MYG1: variants seen among roughly 807,000 people sequenced by gnomAD.
MYG1 encodes the protein UPF0160 protein MYG1, mitochondrial.
A neutral mutation model predicts 43.5 loss-of-function variants in MYG1; 36 were observed. The ratio of observed to expected loss-of-function variants is 0.83; its 90% CI spans 0.63 to 1.09. The LOEUF (loss-of-function observed/expected upper bound fraction) is 1.09, where lower values mean the gene tolerates loss of function less well. Among genes scored for constraint, MYG1 ranks in the 50% least tolerant of loss-of-function variants. The pLI, the probability that MYG1 is intolerant of heterozygous loss-of-function variation, is 0.00. For synonymous variants in MYG1, 220 were observed against 202.8 expected, an observed-to-expected ratio of 1.08 and a Z score of -0.72; for missense variants, 529 against 495.1, an observed-to-expected ratio of 1.07 and a Z score of -0.65.
chr12:53,299,923 C>T lies in MYG1; in HGVS notation c.186C>T (p.Cys62=). Residue 62 remains cysteine (C), a synonymous_variant, in exon 1 of 7, where the codon TGC becomes TGT. Transcript: ENST00000267103. ...TCCACTGCGACGAGGCACTGGCATGCGCACTGCTTCGCCTCCTGCCGGAGT... is the reference window on the plus strand; with the variant it reads ...TCCACTGCGACGAGGCACTGGCATGTGCACTGCTTCGCCTCCTGCCGGAGT... ...GTFHCDEALA[C]ALLRLLPEYR... is the part of the protein sequence containing the mutation. The T allele has an allele frequency of 6.2e-7, 1 of 1,614,208 alleles. No individual in the cohort carries two copies. The highest frequency in any genetic ancestry group is 1.1e-5 in the South Asian group (1 of 91,086).
rs1278741822 is a variant in MYG1, at chr12:53,307,031, C to CT, written c.1014dup (p.Gly339TrpfsTer41). On this transcript the variant is annotated frameshift_variant, in exon 7 of 7. Transcript: ENST00000267103. LOFTEE classifies it high-confidence loss of function. ...GCCCTGGACCAGGTCAGTGGGATCC[C>CT]TGGCTGCATCTTCGTCCATGCAAGC... The CT allele has an allele frequency of 2.5e-6, 4 of 1,614,138 alleles. No homozygotes were observed. The highest frequency in any genetic ancestry group is 3.4e-6 in the Non-Finnish European group (4 of 1,180,054).
chr12:53,302,964 C>G, intron 2 of MYG1, 70 bp from the exon 3 acceptor site: 3 of 1,435,458 alleles, frequency 2.1e-6, no homozygotes, highest in Non-Finnish European at 2.8e-6. Context: ...ATTGAGTTAA[C>G]CATTGAATGA....
In MYG1 at chr12:53,306,777, C is replaced by A. The variant is rs780074773; in HGVS notation, c.863C>A (p.Ala288Asp). The A allele has an allele frequency of 6.2e-6, 10 of 1,614,084 alleles. No individual in the cohort carries two copies. In the South Asian group the frequency reaches 9.9e-5, roughly 16 times the overall value. ...GAATCTGGGCTGTCCCCTCCAGTGG[C>A]CATCTTCTTTGTTATCTACACTGAC... ...HLESGLSPPV[A>D]IFFVIYTDQA... The change falls in exon 6 of 7, where the codon GCC becomes GAC. Residue 288 changes from alanine to aspartate, a missense_variant. By Grantham distance (126) the Ala-to-Asp change is moderately radical. Coordinates refer to ENST00000267103, the MANE Select transcript of MYG1 (RefSeq NM_021640.4).
intron 2 of MYG1, among the ~76,000 whole-genome samples, chr12:53,301,751 T>C (rs1944234314): frequency 1.3e-5 from 2 of 151,288 alleles, no homozygotes. Context: ...TGCAGTGATG[T>C]GATCTCGACT....
chr12:53,300,123 GC>G, intron 1 of MYG1, 26 bp from the exon 2 acceptor site: 1 of 1,570,402 alleles, frequency 6.4e-7, no homozygotes, highest in East Asian at 2.3e-5. Flanking sequence ...ACACCCGGCA[GC>G]CCCTTCACCC....
At chr12:53,306,541 A>T (rs959247188) in intron 5 of MYG1, 139 bp from the exon 6 acceptor site, 4 of 1,102,022 alleles carry the variant, frequency 3.6e-6, no homozygotes, top group African/African-American at 1.6e-5. Context: ...ACAGGGTCTT[A>T]CTTTGTTGCC....
In MYG1 at chr12:53,307,082, G is replaced by C. The variant is rs756887812; in HGVS notation, c.1064G>C (p.Arg355Pro). The C allele has an allele frequency of 1.2e-6, 2 of 1,614,168 alleles. No individual in the cohort carries two copies. Among genetic ancestry groups the C allele is most frequent in the Non-Finnish European group, 1.7e-6 (2 of 1,179,994 alleles). The change falls in exon 7 of 7, where the codon CGA becomes CCA. Residue 355 changes from arginine (R) to proline (P), a missense_variant. Physicochemically the swap from Arg to Pro is moderately radical, Grantham distance 103. Coordinates refer to ENST00000267103, the MANE Select transcript of MYG1 (RefSeq NM_021640.4). ...GGCTTCACTGGCGGTCACCACACCC[G>C]AGAGGGTGCCTTGAGCATGGCCCGT... ...ASGFTGGHHT[R>P]EGALSMARAT...
In MYG1 at chr12:53,300,212, C is replaced by T. The variant is rs764472087; in HGVS notation, c.279C>T (p.Asp93=). 8 of 1,605,134 alleles carry T rather than the reference C, an allele frequency of 5.0e-6. No individual in the cohort carries two copies. Among genetic ancestry groups the T allele is most frequent in the South Asian group, 1.1e-5 (1 of 89,876 alleles). ...TCGCTTCCTGTGACATCGTGGTGGA[C>T]GTGGGGGGCGAGTACGACCCTCGGA... is the stretch of plus-strand genomic sequence containing the variant. ...EKLASCDIVV[D]VGGEYDPRRH... is the part of the protein sequence containing the mutation. Residue 93 remains aspartate, a synonymous_variant, in exon 2 of 7, where the codon GAC becomes GAT. Transcript: ENST00000267103.
Position 53,306,113 on chromosome 12 carries a change from G to T in MYG1, c.642+53G>T, listed in dbSNP as rs760701836. The T allele has an allele frequency of 2.7e-5, 44 of 1,607,880 alleles. No individual in the cohort carries two copies. In the East Asian group the frequency reaches 2.9e-4, roughly 11 times the overall value. ...GACCTGTAAGAACCTTGGGTGGGGGGAAAATGGGAGCATTTGCTCCTCCTA... is the reference window on the plus strand; with the variant it reads ...GACCTGTAAGAACCTTGGGTGGGGGTAAAATGGGAGCATTTGCTCCTCCTA... On this transcript the variant is annotated intron_variant, in intron 4 of 6. Transcript: ENST00000267103.
Position 53,306,013 on chromosome 12 carries a change from G to A in MYG1, c.595G>A (p.Val199Ile). 1.2e-6 allele frequency: 2 copies of A among 1,614,134 alleles called. No individual in the cohort carries two copies. ...YALTTTLSAR[V>I]ARLNPTWNHP... ...ACTGACCACTACCCTGAGTGCACGA[G>A]TTGCTCGACTTAATCCTACCTGGAA... Residue 199 changes from valine to isoleucine, a missense_variant, in exon 4 of 7, where the codon GTT (valine) becomes ATT (isoleucine). Val to Ile is a conservative substitution (Grantham distance 29, BLOSUM62 3). Coordinates refer to ENST00000267103, the MANE Select transcript of MYG1 (RefSeq NM_021640.4).
At chr12:53,306,136 C>G (rs1202838642) in intron 4 of MYG1, 62 bp from the exon 5 acceptor site, 1 of 1,612,396 alleles carries the variant, frequency 6.2e-7, no homozygotes, top group Non-Finnish European at 8.5e-7. Context: ...TTTGCTCCTC[C>G]TAAGCCCTAG....
intron 3 of MYG1, among the ~76,000 whole-genome samples, chr12:53,304,184 T>G (rs1463624960): frequency 6.6e-6 from 1 of 151,560 alleles, no homozygotes; most frequent in East Asian, 2.0e-4. Context: ...CTGCCCTCTG[T>G]AACTATAGAG....
Position 53,300,167 on chromosome 12 carries a change from G to T in MYG1, c.234G>T (p.Arg78=). ...LPEYRDAEIV[R]TRDPEKLASC... is the part of the protein sequence containing the mutation. ...CCTCGCAGGATGCAGAGATTGTGCG[G>T]ACCCGGGATCCCGAAAAACTCGCTT... is the stretch of plus-strand genomic sequence containing the variant. Residue 78 remains arginine (R), a synonymous_variant, in exon 2 of 7, where the codon CGG becomes CGT. Coordinates refer to ENST00000267103, the MANE Select transcript of MYG1 (RefSeq NM_021640.4). 2.5e-6 allele frequency: 4 copies of T among 1,603,216 alleles called. No individual in the cohort carries two copies. Among genetic ancestry groups the T allele is most frequent in the Non-Finnish European group, 3.4e-6 (4 of 1,174,186 alleles).
chr12:53,305,662 T>G (rs1944268919), intron 3 of MYG1: 2 of 408,598 alleles, frequency 4.9e-6, no homozygotes. Context: ...TTGGCTTTGG[T>G]TTGGGCTTTG....
In MYG1 at chr12:53,300,135, C is replaced by G. The variant is rs1313517495; in HGVS notation, c.217-15C>G. 6.3e-7 allele frequency: 1 copy of G among 1,586,640 alleles called. No individual in the cohort carries two copies. The highest frequency in any genetic ancestry group is 8.6e-7 in the Non-Finnish European group (1 of 1,164,806). On this transcript the variant is annotated splice_polypyrimidine_tract_variant and intron_variant, in intron 1 of 6. Coordinates refer to ENST00000267103, the MANE Select transcript of MYG1 (RefSeq NM_021640.4). ...GCGACACCCGGCAGCCCCTTCACCCCTGTGTACCTCGCAGGATGCAGAGAT... is the reference window on the plus strand; with the variant it reads ...GCGACACCCGGCAGCCCCTTCACCCGTGTGTACCTCGCAGGATGCAGAGAT...
chr12:53,299,818 T>C lies in MYG1; in HGVS notation c.81T>C (p.Gly27=), dbSNP rs777582077. 6.2e-7 allele frequency: 1 copy of C among 1,613,928 alleles called. No individual in the cohort carries two copies. Among genetic ancestry groups the C allele is most frequent in the Non-Finnish European group, 8.5e-7 (1 of 1,180,002 alleles). Residue 27 remains glycine (G), a synonymous_variant, in exon 1 of 7, where the codon GGT becomes GGC. Coordinates refer to ENST00000267103, the MANE Select transcript of MYG1 (RefSeq NM_021640.4). The part of the protein sequence containing the change: ...PPLYTRHRML[G]PESVPPPKRS... ...TGTATACCCGGCACCGCATGCTCGG[T>C]CCAGAGTCCGTCCCGCCCCCAAAAC...
rs1944212467 is a variant in MYG1, at chr12:53,299,957, C to T, written c.216+4C>T. 1.9e-6 allele frequency: 3 copies of T among 1,614,090 alleles called. No homozygotes were observed. The highest frequency in any genetic ancestry group is 1.1e-5 in the South Asian group (1 of 91,074). On this transcript the variant is annotated splice_donor_region_variant and intron_variant, in intron 1 of 6. Transcript: ENST00000267103. ...TCGCCTCCTGCCGGAGTACCGGGTA[C>T]GGTCCGCGAAAAGTGACCCTGGGAC... is the stretch of plus-strand genomic sequence containing the variant.
At chr12:53,301,187 G>A (rs1311999257) in intron 2 of MYG1, among the ~76,000 whole-genome samples, 1 of 152,050 alleles carries the variant, frequency 6.6e-6, no homozygotes, top group Non-Finnish European at 1.5e-5. Flanking sequence ...CAAAGTGCTG[G>A]GATTACAGGT....
In MYG1 at chr12:53,306,963, C is replaced by T; in HGVS notation, c.948-3C>T. ...CCCTGCTGTACTCCCTCTTTCTGCC[C>T]AGGCTGCCCCTGCCAGAGCCATGGC... On this transcript the variant is annotated splice_region_variant and splice_polypyrimidine_tract_variant and intron_variant, in intron 6 of 6. Transcript: ENST00000267103. The T allele has an allele frequency of 1.9e-6, 3 of 1,612,890 alleles. No individual in the cohort carries two copies. The highest frequency in any genetic ancestry group is 2.5e-6 in the Non-Finnish European group (3 of 1,179,272).
Sources: allele counts gnomAD v4.1 joint callset (sites outside exome capture counted in the v4.1 genomes callset), GRCh38; gene constraint gnomAD v4.1.1; transcripts MANE v1.5; gene names NCBI Gene and HGNC (gene_info 2026-07-23, HGNC 2026-07-21).